PCDH11X: variants seen among roughly 807,000 people sequenced by gnomAD.
The protein encoded by PCDH11X is protocadherin 11 X-linked.
In PCDH11X, 18 loss-of-function variants were observed where a neutral mutation model predicts 53.3. The ratio of observed to expected loss-of-function variants is 0.34; its 90% CI spans 0.23 to 0.50. The LOEUF (loss-of-function observed/expected upper bound fraction) is 0.50. PCDH11X is among the 20% of genes least tolerant of loss of function. PCDH11X has a pLI of 0.98. For missense variants in PCDH11X, 570 were observed against 1,032.4 expected, an observed-to-expected ratio of 0.55 and a Z score of 6.14; for synonymous variants, 279 against 393.3, an observed-to-expected ratio of 0.71 and a Z score of 3.44.
intron 10 of PCDH11X, among the ~76,000 whole-genome samples, chrX:92,592,654 C>G (rs1402126978): frequency 1.8e-5 from 2 of 111,472 alleles, no homozygotes; most frequent in Non-Finnish European, 3.8e-5. Flanking sequence ...TCGCTTGAAC[C>G]GGGGAAGCGG....
chrX:92,482,272 T>C (rs1177010838), intron 10 of PCDH11X, among the ~76,000 whole-genome samples: 1 of 112,186 alleles, frequency 8.9e-6, no homozygotes, highest in Non-Finnish European at 1.9e-5. Flanking sequence ...TTCTTCTTTT[T>C]CCATTATTTT....
chrX:92,217,113 G>T (rs1327437711), intron 7 of PCDH11X, among the ~76,000 whole-genome samples: 1 of 111,027 alleles, frequency 9.0e-6, no homozygotes, highest in Non-Finnish European at 1.9e-5. Flanking sequence ...AAATTGTAAA[G>T]ACCATCGAGG....
chrX:92,365,055 C>CA (rs1222532821), intron 8 of PCDH11X, among the ~76,000 whole-genome samples: 1 of 80,138 alleles, frequency 1.2e-5, no homozygotes, highest in African/African-American at 4.7e-5. Flanking sequence ...TGCATAGCGT[C>CA]AAAATAATCA....
At chrX:92,250,508 A>G (rs1296458894) in intron 7 of PCDH11X, among the ~76,000 whole-genome samples, 2 of 108,840 alleles carry the variant, frequency 1.8e-5, no homozygotes, top group African/African-American at 6.6e-5. Flanking sequence ...TTTTTAATTT[A>G]TAGCAGCATT....
At chrX:92,360,074 A>G (rs2070308260) in intron 8 of PCDH11X, among the ~76,000 whole-genome samples, 1 of 111,001 alleles carries the variant, frequency 9.0e-6, no homozygotes, top group African/African-American at 3.3e-5. Flanking sequence ...TCTGAATATA[A>G]AAGATCTGAA....
intron 10 of PCDH11X, among the ~76,000 whole-genome samples, chrX:92,497,109 G>A (rs2073873514): frequency 9.0e-6 from 1 of 110,834 alleles, no homozygotes; most frequent in South Asian, 3.8e-4. Flanking sequence ...ATACAGCAAG[G>A]GCAAGTGGAG....
chrX:92,364,812 G>C (rs2070426766), intron 8 of PCDH11X, among the ~76,000 whole-genome samples: 1 of 98,591 alleles, frequency 1.0e-5, no homozygotes, highest in Admixed American at 1.1e-4. Flanking sequence ...CTGAGACGGG[G>C]ATTCCTTGAG....
intron 8 of PCDH11X, among the ~76,000 whole-genome samples, chrX:92,295,739 T>TTGTGTGTGTGTGTG (rs58402010): frequency 5.6e-5 from 4 of 71,550 alleles, no homozygotes; most frequent in African/African-American, 2.0e-4. Flanking sequence ...ACAGGTGTGT[T>TTGTGTGTGTGTGTG]TGTGTGTGTG....
intron 6 of PCDH11X, among the ~76,000 whole-genome samples, chrX:92,117,391 C>T (rs1038045528): frequency 4.6e-5 from 5 of 107,784 alleles, no homozygotes; most frequent in Non-Finnish European, 7.7e-5. Flanking sequence ...GAGCGGGGAT[C>T]GGGCCACTTT....
intron 10 of PCDH11X, among the ~76,000 whole-genome samples, chrX:92,582,857 G>T (rs1923878025): frequency 9.2e-6 from 1 of 109,115 alleles, no homozygotes. Context: ...AGCGTGACCT[G>T]GATGTGAGAC....
chrX:92,509,103 A>AAGATG (rs1392722298), intron 10 of PCDH11X, among the ~76,000 whole-genome samples: 1 of 100,657 alleles, frequency 9.9e-6, no homozygotes, highest in African/African-American at 3.5e-5. Context: ...TATGAAGGTG[A>AAGATG]AGATGAGGAA....
rs188683426 is a variant in PCDH11X, at chrX:91,879,806, A to T, written c.3033+533A>T. 45 of 739,830 alleles carry T rather than the reference A, an allele frequency of 6.1e-5. No individual in the cohort carries two copies. In the East Asian group the frequency reaches 6.0e-3, roughly 99 times the overall value. 61.0% of individuals were successfully genotyped at this position (739,830 alleles called of 1,213,427 possible). ...TCATAAAGAAAAGTGTCGTTTTCAG[A>T]TTAGGAACTCAAAATTATTTTGGTG... On this transcript the variant is annotated intron_variant, in intron 6 of 10. Coordinates refer to ENST00000682573, the MANE Select transcript of PCDH11X (RefSeq NM_032968.5).
At chrX:92,126,386 G>A (rs1218375906) in intron 6 of PCDH11X, among the ~76,000 whole-genome samples, 1 of 111,114 alleles carries the variant, frequency 9.0e-6, no homozygotes, top group Non-Finnish European at 1.9e-5. Context: ...TGAGGCAGGT[G>A]GATCACCTGA....
At chrX:91,827,403 ACTGT>A (rs778161061) in intron 4 of PCDH11X, among the ~76,000 whole-genome samples, 8 of 111,121 alleles carry the variant, frequency 7.2e-5, no homozygotes, top group Non-Finnish European at 1.3e-4. Flanking sequence ...CATTCTGTAG[ACTGT>A]CTGTTTACTC....
At chrX:91,972,671 A>G (rs1393050420) in intron 6 of PCDH11X, among the ~76,000 whole-genome samples, 1 of 105,468 alleles carries the variant, frequency 9.5e-6, no homozygotes, top group Non-Finnish European at 1.9e-5. Context: ...ACATATGGCT[A>G]GCCAGTTTTC....
intron 10 of PCDH11X, among the ~76,000 whole-genome samples, chrX:92,534,241 G>T (rs2074613682): frequency 1.8e-5 from 2 of 111,193 alleles, no homozygotes; most frequent in South Asian, 7.6e-4. Flanking sequence ...CATGGCACGA[G>T]AACTACGTGA....
At chrX:92,392,994 G>C (rs1347866419) in intron 9 of PCDH11X, among the ~76,000 whole-genome samples, 1 of 110,632 alleles carries the variant, frequency 9.0e-6, no homozygotes, top group African/African-American at 3.3e-5. Context: ...AATGTTACCC[G>C]TATAACTGTT....
intron 6 of PCDH11X, among the ~76,000 whole-genome samples, chrX:91,950,267 A>T (rs2061622648): frequency 9.5e-6 from 1 of 105,569 alleles, no homozygotes; most frequent in South Asian, 4.4e-4. Flanking sequence ...CGTACACTCT[A>T]CTCAATAGGT....
At chrX:92,252,782 T>C (rs779666520) in intron 7 of PCDH11X, among the ~76,000 whole-genome samples, 20 of 110,617 alleles carry the variant, frequency 1.8e-4, no homozygotes, top group Non-Finnish European at 2.7e-4. Context: ...GTAGACAGAG[T>C]AGTGACTTAG....
Sources: allele counts gnomAD v4.1 joint callset (sites outside exome capture counted in the v4.1 genomes callset), GRCh38; gene constraint gnomAD v4.1.1; transcripts MANE v1.5; gene names NCBI Gene and HGNC (gene_info 2026-07-23, HGNC 2026-07-21).